ANO6: variants seen among roughly 807,000 people sequenced by gnomAD.
ANO6 encodes the protein anoctamin 6.
ANO6 carries 106 observed loss-of-function variants against 117.5 expected under a neutral mutation model. That is an observed-to-expected ratio of 0.90 (90% confidence interval 0.77 to 1.06). The LOEUF (loss-of-function observed/expected upper bound fraction) is 1.06. Among genes scored for constraint, ANO6 ranks in the 50% least tolerant of loss-of-function variants. The pLI, the probability that ANO6 is intolerant of heterozygous loss-of-function variation, is 0.00. For synonymous variants in ANO6, 367 were observed against 385.1 expected, an observed-to-expected ratio of 0.95 and a Z score of 0.55; for missense variants, 955 against 1,121.1, an observed-to-expected ratio of 0.85 and a Z score of 2.12.
At chr12:45,325,433 G>C (rs529672771) in intron 2 of ANO6, among the ~76,000 whole-genome samples, 1 of 152,262 alleles carries the variant, frequency 6.6e-6, no homozygotes, top group East Asian at 1.9e-4. Flanking sequence ...TGAACCTTAA[G>C]AGTTTAGCCT....
chr12:45,268,385 T>C (rs1338075842), intron 1 of ANO6, among the ~76,000 whole-genome samples: 2 of 152,128 alleles, frequency 1.3e-5, no homozygotes, highest in African/African-American at 4.8e-5. Flanking sequence ...CCAGGTGTGG[T>C]GGTACATGCC....
chr12:45,436,925 C>T (rs1434278293), downstream of ANO6, among the ~76,000 whole-genome samples: 1 of 152,116 alleles, frequency 6.6e-6, no homozygotes, highest in African/African-American at 2.4e-5. Context: ...GAAATTGCGC[C>T]ATTGCACTCC....
intron 1 of ANO6, among the ~76,000 whole-genome samples, chr12:45,249,817 T>G (rs1488484452): frequency 6.6e-6 from 1 of 152,242 alleles, no homozygotes; most frequent in Non-Finnish European, 1.5e-5. Flanking sequence ...CAATACCTTG[T>G]GTCCTTTTCC....
At chr12:45,426,758 T>C (rs887674164) in intron 19 of ANO6, among the ~76,000 whole-genome samples, 4 of 152,122 alleles carry the variant, frequency 2.6e-5, no homozygotes, top group Non-Finnish European at 5.9e-5. Flanking sequence ...CTTATTCTCT[T>C]AGTGATCCTG....
At chr12:45,384,304 A>G (rs1168995484) in intron 10 of ANO6, among the ~76,000 whole-genome samples, 2 of 152,184 alleles carry the variant, frequency 1.3e-5, no homozygotes, top group Non-Finnish European at 2.9e-5. Context: ...TCTCCGTATC[A>G]GCAATAAGGT....
chr12:45,400,432 C>T (rs570130707), intron 12 of ANO6, among the ~76,000 whole-genome samples: 6 of 152,308 alleles, frequency 3.9e-5, no homozygotes, highest in Admixed American at 1.3e-4. Context: ...TGAGACTTAA[C>T]TGCGAAAGGA....
At chr12:45,275,878 A>G (rs772565500) in intron 1 of ANO6, among the ~76,000 whole-genome samples, 2 of 152,126 alleles carry the variant, frequency 1.3e-5, no homozygotes, top group Non-Finnish European at 2.9e-5. Context: ...TTCTGTCTAC[A>G]TGCTCATCTA....
intron 7 of ANO6, among the ~76,000 whole-genome samples, chr12:45,356,192 A>C (rs1478706709): frequency 1.3e-5 from 2 of 152,162 alleles, no homozygotes; most frequent in Non-Finnish European, 2.9e-5. Context: ...AGTTTTTAAA[A>C]CTTAGGAAAA....
chr12:45,281,471 G>A (rs1938730859), intron 1 of ANO6, among the ~76,000 whole-genome samples: 1 of 152,190 alleles, frequency 6.6e-6, no homozygotes, highest in Non-Finnish European at 1.5e-5. Context: ...AGGGCCTCAG[G>A]GAGCTTACAA....
intron 12 of ANO6, among the ~76,000 whole-genome samples, chr12:45,394,086 G>C (rs139755851): frequency 8.2e-4 from 125 of 152,304 alleles, no homozygotes; most frequent in African/African-American, 2.7e-3. Flanking sequence ...TCAGTGTGCT[G>C]AATTGAGGAG....
At chr12:45,367,391 T>C (rs769166742) in intron 8 of ANO6, among the ~76,000 whole-genome samples, 44 of 152,352 alleles carry the variant, frequency 2.9e-4, no homozygotes, top group Non-Finnish European at 5.3e-4. Flanking sequence ...TCCTGGCCTA[T>C]CCTTGTGGCC....
intron 8 of ANO6, among the ~76,000 whole-genome samples, chr12:45,360,112 TTTA>T (rs1014804236): frequency 6.6e-6 from 1 of 152,244 alleles, no homozygotes; most frequent in African/African-American, 2.4e-5. Context: ...GTGTTGTCTT[TTTA>T]TTGTTGAGTT....
intron 16 of ANO6, among the ~76,000 whole-genome samples, chr12:45,409,929 G>T (rs1445161700): frequency 1.3e-5 from 2 of 151,988 alleles, no homozygotes; most frequent in South Asian, 2.1e-4. Context: ...CTTATTTTTG[G>T]ACTTTTAGTA....
Position 45,393,138 on chromosome 12 carries a change from A to G in ANO6, c.1386+2640A>G, listed in dbSNP as rs181644865. Reference sequence around the variant, plus strand: ...AATGGCTAACTAGAATAAACAATGTAGAGAAGACCTTAAATGACCTGATGG... The same window carrying G: ...AATGGCTAACTAGAATAAACAATGTGGAGAAGACCTTAAATGACCTGATGG... On this transcript the variant is annotated intron_variant, in intron 12 of 19. Coordinates refer to ENST00000320560, the MANE Select transcript of ANO6 (RefSeq NM_001025356.3). Among the ~76,000 whole-genome samples, 331 of 152,360 alleles carry G rather than the reference A, an allele frequency of 2.2e-3. 2 individuals carry two copies. The highest frequency in any genetic ancestry group is 7.5e-3 in the African/African-American group (314 of 41,590).
chr12:45,272,186 G>A (rs11182956), intron 1 of ANO6, among the ~76,000 whole-genome samples: 1 of 148,870 alleles, frequency 6.7e-6, no homozygotes, highest in African/African-American at 2.5e-5. Context: ...ACCTTTTTGG[G>A]TTTTTTTTTC....
intron 1 of ANO6, among the ~76,000 whole-genome samples, chr12:45,283,146 T>C (rs1359923514): frequency 6.6e-6 from 1 of 152,244 alleles, no homozygotes; most frequent in Non-Finnish European, 1.5e-5. Flanking sequence ...ATTTATATTT[T>C]TCCAAATGTG....
At chr12:45,249,672 C>G (rs1275623894) in intron 1 of ANO6, among the ~76,000 whole-genome samples, 2 of 152,124 alleles carry the variant, frequency 1.3e-5, no homozygotes, top group Non-Finnish European at 2.9e-5. Flanking sequence ...TTTCAAAAAT[C>G]TTTAATATTT....
intron 12 of ANO6, among the ~76,000 whole-genome samples, chr12:45,394,054 T>C (rs997942891): frequency 3.3e-5 from 5 of 152,134 alleles, no homozygotes; most frequent in South Asian, 2.1e-4. Context: ...GACTGGCAGA[T>C]TGGATAAAGA....
intron 1 of ANO6, among the ~76,000 whole-genome samples, chr12:45,293,524 C>G (rs1939175748): frequency 1.3e-5 from 2 of 151,732 alleles, no homozygotes; most frequent in Admixed American, 1.3e-4. Context: ...AAACCTTTTT[C>G]CTATAACTGG....
Sources: gnomAD v4.1 joint callset for allele counts (sites outside exome capture counted in the v4.1 genomes callset) on GRCh38, gnomAD v4.1.1 for gene constraint, MANE v1.5 for transcripts, NCBI Gene and HGNC (gene_info 2026-07-23, HGNC 2026-07-21) for gene names.